Variants in CCDC178 observed in about 807,000 individuals in gnomAD.
The protein encoded by CCDC178 is coiled-coil domain containing 178, also known as coiled-coil domain-containing protein 178.
In CCDC178, 126 loss-of-function variants were observed where a neutral mutation model predicts 117.4. The observed-to-expected ratio is 1.07, with a 90% CI of 0.93 to 1.24. The LOEUF (loss-of-function observed/expected upper bound fraction) is 1.24, where lower values mean the gene tolerates loss of function less well. Among genes scored for constraint, CCDC178 ranks in the 50% most tolerant of loss-of-function variants. CCDC178 has a pLI of 0.00. For missense variants in CCDC178, 1,030 were observed against 986.9 expected (o/e 1.04, Z -0.59); for synonymous variants, 283 against 313.4 (o/e 0.90, Z 1.02).
At chr18:33,218,135 T>A (rs1213100442) in intron 18 of CCDC178, among the ~76,000 whole-genome samples, 1 of 152,010 alleles carries the variant, frequency 6.6e-6, no homozygotes, top group Admixed American at 6.6e-5. Context: ...TGAGGACACC[T>A]CTCTCTCATG....
At chr18:33,209,963 T>C (rs1403781411) in intron 20 of CCDC178, among the ~76,000 whole-genome samples, 1 of 151,724 alleles carries the variant, frequency 6.6e-6, no homozygotes, top group Admixed American at 6.6e-5. Flanking sequence ...CAGAGAGAGA[T>C]TGATTCAGCT....
At chr18:33,316,773 G>A (rs2062424939) in intron 11 of CCDC178, among the ~76,000 whole-genome samples, 1 of 152,160 alleles carries the variant, frequency 6.6e-6, no homozygotes, top group African/African-American at 2.4e-5. Flanking sequence ...TCGGCACTCT[G>A]TATCTAGCTA....
intron 12 of CCDC178, among the ~76,000 whole-genome samples, chr18:33,291,586 TC>T (rs2060166346): frequency 6.6e-6 from 1 of 152,142 alleles, no homozygotes; most frequent in Non-Finnish European, 1.5e-5. Flanking sequence ...ATATATTATT[TC>T]CTTTTACTAT....
chr18:33,411,944 C>T (rs991607259), intron 3 of CCDC178, 87 bp downstream of exon 3: 2 of 639,158 alleles, frequency 3.1e-6, no homozygotes, highest in Non-Finnish European at 5.3e-6. Context: ...AGATTACTAT[C>T]TTTGCAGTTG....
intron 21 of CCDC178, among the ~76,000 whole-genome samples, chr18:33,005,595 T>C (rs1391538342): frequency 6.6e-6 from 1 of 152,040 alleles, no homozygotes; most frequent in African/African-American, 2.4e-5. Context: ...CATTTTAAAA[T>C]AACTAATAGA....
chr18:33,430,750 G>A (rs1378222351), intron 2 of CCDC178, among the ~76,000 whole-genome samples: 6 of 152,138 alleles, frequency 3.9e-5, no homozygotes, highest in Non-Finnish European at 8.8e-5. Flanking sequence ...TGTTCTAATA[G>A]AGGGCTGCAC....
At chr18:32,954,893 TG>T (rs1164302349) in intron 22 of CCDC178, among the ~76,000 whole-genome samples, 1 of 152,138 alleles carries the variant, frequency 6.6e-6, no homozygotes, top group African/African-American at 2.4e-5. Context: ...GAAATATCTA[TG>T]TTAGAAACTA....
intron 10 of CCDC178, among the ~76,000 whole-genome samples, chr18:33,332,802 T>C (rs907062914): frequency 6.6e-6 from 1 of 152,066 alleles, no homozygotes; most frequent in Non-Finnish European, 1.5e-5. Context: ...TTAGTAGACA[T>C]GGGGTTTCAC....
chr18:32,971,068 CA>C (rs2054913299), intron 22 of CCDC178, among the ~76,000 whole-genome samples: 2 of 151,984 alleles, frequency 1.3e-5, no homozygotes. Context: ...AGGTTTGTTA[CA>C]TAGGTATATA....
intron 9 of CCDC178, among the ~76,000 whole-genome samples, 176 bp from the exon 10 acceptor site, chr18:33,333,570 C>T (rs1036953971): frequency 1.5e-5 from 2 of 131,248 alleles, no homozygotes; most frequent in African/African-American, 6.0e-5. Context: ...GGTTGGAGTG[C>T]AATGGCACGA....
At chr18:33,002,305 A>T (rs185016476) in intron 21 of CCDC178, among the ~76,000 whole-genome samples, 195 of 152,270 alleles carry the variant, frequency 1.3e-3, no homozygotes, top group African/African-American at 4.3e-3. Context: ...CAAAAATTCA[A>T]AAAAATAGAT....
intron 22 of CCDC178, among the ~76,000 whole-genome samples, chr18:32,959,486 C>A (rs1394014118): frequency 2.0e-5 from 3 of 152,076 alleles, no homozygotes; most frequent in African/African-American, 7.2e-5. Context: ...TCCCTTTCTC[C>A]ATTTTCATAA....
intron 4 of CCDC178, among the ~76,000 whole-genome samples, chr18:33,396,462 A>C (rs1417635655): frequency 3.3e-5 from 5 of 152,098 alleles, no homozygotes; most frequent in Non-Finnish European, 7.4e-5. Flanking sequence ...CCTTAGAGAA[A>C]CTCACACAGG....
At chr18:33,071,839 A>T (rs2144999072) in intron 21 of CCDC178, among the ~76,000 whole-genome samples, 1 of 152,326 alleles carries the variant, frequency 6.6e-6, no homozygotes, top group Middle Eastern at 3.4e-3. Flanking sequence ...GATAATTTGC[A>T]GTAAGTAATT....
At chr18:33,172,624 T>G (rs2058616426) in intron 20 of CCDC178, among the ~76,000 whole-genome samples, 1 of 152,144 alleles carries the variant, frequency 6.6e-6, no homozygotes. Context: ...TCTAGGAACA[T>G]CTCATATAAC....
chr18:32,953,288 ACTGG>A (rs2054528221), intron 22 of CCDC178, among the ~76,000 whole-genome samples: 1 of 152,214 alleles, frequency 6.6e-6, no homozygotes, highest in Non-Finnish European at 1.5e-5. Flanking sequence ...ACCATCTCAG[ACTGG>A]ACTTCATTGT....
chr18:33,284,335 AC>A (rs1032607096), intron 12 of CCDC178, among the ~76,000 whole-genome samples: 19 of 152,208 alleles, frequency 1.2e-4, no homozygotes, highest in African/African-American at 4.6e-4. Context: ...TGTACAACAA[AC>A]CCCCATGACA....
intron 21 of CCDC178, among the ~76,000 whole-genome samples, chr18:32,979,986 C>CA (rs1289884488): frequency 6.6e-6 from 1 of 151,912 alleles, no homozygotes; most frequent in Non-Finnish European, 1.5e-5. Context: ...TGGCTAGCTC[C>CA]ATGCAAAATA....
intron 12 of CCDC178, among the ~76,000 whole-genome samples, chr18:33,267,513 C>G (rs28375135): frequency 0.067 from 10,203 of 151,652 alleles, 509 homozygotes; most frequent in African/African-American, 0.14. Context: ...AATAAATTCA[C>G]TCACTGTCTA....
Sources: allele counts gnomAD v4.1 joint callset (sites outside exome capture counted in the v4.1 genomes callset), GRCh38; gene constraint gnomAD v4.1.1; transcripts MANE v1.5; gene names NCBI Gene and HGNC (gene_info 2026-07-23, HGNC 2026-07-21).